DNAJC12: variants seen among roughly 807,000 people sequenced by gnomAD.
The protein encoded by DNAJC12 is DnaJ heat shock protein family (Hsp40) member C12, also known as dnaJ homolog subfamily C member 12.
DNAJC12 carries 25 observed loss-of-function variants against 28.5 expected under a neutral mutation model. The observed-to-expected ratio is 0.88, with a 90% CI of 0.64 to 1.22. The LOEUF is 1.22. Among genes scored for constraint, DNAJC12 ranks in the 50% most tolerant of loss-of-function variants. DNAJC12 has a pLI of 0.00. For synonymous variants in DNAJC12, 77 were observed against 80.6 expected (o/e 0.95, Z 0.24); for missense variants, 222 against 231.7 (o/e 0.96, Z 0.27).
chr10:67,818,253 G>A (rs920897213), intron 2 of DNAJC12, among the ~76,000 whole-genome samples: 27 of 152,240 alleles, frequency 1.8e-4, no homozygotes, highest in South Asian at 1.2e-3. Flanking sequence ...TCATCCAAGT[G>A]TGTAAAGATC....
At chr10:67,819,292 G>A (rs551697247) in intron 2 of DNAJC12, among the ~76,000 whole-genome samples, 9 of 151,576 alleles carry the variant, frequency 5.9e-5, no homozygotes, top group African/African-American at 9.7e-5. Context: ...AAGAGATAGC[G>A]CCACTGTACT....
At chr10:67,813,903 C>T (rs192041552) in intron 2 of DNAJC12, among the ~76,000 whole-genome samples, 22 of 151,792 alleles carry the variant, frequency 1.4e-4, no homozygotes, top group Middle Eastern at 6.8e-3. Context: ...TTTACTATTG[C>T]TAAAATGATA....
In DNAJC12 at chr10:67,824,014, G is replaced by A. The variant is rs192718105; in HGVS notation, c.79-622C>T. On this transcript the variant is annotated intron_variant, in intron 1 of 4. Coordinates refer to ENST00000225171, the MANE Select transcript of DNAJC12 (RefSeq NM_021800.3). ...GCACTTTGGGAGGCTGAGGTGGGCA[G>A]ATCACAAGGTTAGGAGTTCGAGGCC... 4.8e-3 allele frequency among the ~76,000 whole-genome samples: 733 copies of A among 152,168 alleles called. 9 individuals are homozygous for A. The highest frequency in any genetic ancestry group is 0.016 in the African/African-American group (684 of 41,510).
chr10:67,834,349 A>G (rs1842122625), intron 1 of DNAJC12, among the ~76,000 whole-genome samples: 1 of 152,216 alleles, frequency 6.6e-6, no homozygotes, highest in Non-Finnish European at 1.5e-5. Context: ...CAAGGATAGG[A>G]TAAGTGTACT....
Position 67,803,762 on chromosome 10 carries a change from G to C in DNAJC12, c.502+1821C>G, listed in dbSNP as rs569665337. Among the ~76,000 whole-genome samples the C allele has an allele frequency of 2.0e-4, 31 of 152,344 alleles. 1 individual carries two copies. In the South Asian group the frequency reaches 6.4e-3, roughly 32 times the overall value. On this transcript the variant is annotated intron_variant, in intron 4 of 4. Transcript: ENST00000225171. ...ATTCATCGTGTTTACATGTAGGGGA[G>C]TGATTGTACTCCTGTGTTTGCTTAA...
Position 67,821,071 on chromosome 10 carries a change from C to T in DNAJC12, c.157+2243G>A, listed in dbSNP as rs1025168265. On this transcript the variant is annotated intron_variant, in intron 2 of 4. Coordinates refer to ENST00000225171, the MANE Select transcript of DNAJC12 (RefSeq NM_021800.3). Reference sequence around the variant, plus strand: ...GTGCTGGAATTACAGGTGTGAGCCACTGCACCCAGCCAAGGAAAACATTTT... The same window carrying T: ...GTGCTGGAATTACAGGTGTGAGCCATTGCACCCAGCCAAGGAAAACATTTT... Among the ~76,000 whole-genome samples, 7 of 151,948 alleles carry T rather than the reference C, an allele frequency of 4.6e-5. No homozygotes were observed. In the South Asian group the frequency reaches 1.2e-3, roughly 27 times the overall value.
At chr10:67,823,870 T>G (rs1266477979) in intron 1 of DNAJC12, among the ~76,000 whole-genome samples, 1 of 152,178 alleles carries the variant, frequency 6.6e-6, no homozygotes, top group Non-Finnish European at 1.5e-5. Flanking sequence ...ACGCTCCTAT[T>G]GAAATAGTCG....
chr10:67,798,841 C>G (rs1053335149), intron 4 of DNAJC12, among the ~76,000 whole-genome samples: 1 of 150,788 alleles, frequency 6.6e-6, no homozygotes, highest in East Asian at 2.0e-4. Context: ...TCTCAGCTCA[C>G]CACAACCTCC....
intron 4 of DNAJC12, among the ~76,000 whole-genome samples, chr10:67,798,327 T>C (rs1418253710): frequency 6.6e-6 from 1 of 152,088 alleles, no homozygotes; most frequent in African/African-American, 2.4e-5. Flanking sequence ...GTTTATATAG[T>C]ATGATCTCAT....
At position 67,797,226 on chromosome 10, in the gene DNAJC12, A is replaced by G; in HGVS notation, c.503-16T>C. ...TCTGCAAAACCTTTAAAGGAAAGAA[A>G]GTAAATATTTAAAATCAGAAGTAGG... On this transcript the variant is annotated splice_polypyrimidine_tract_variant and intron_variant, in intron 4 of 4. Coordinates refer to ENST00000225171, the MANE Select transcript of DNAJC12 (RefSeq NM_021800.3). 3.1e-6 allele frequency: 5 copies of G among 1,607,776 alleles called. No individual in the cohort carries two copies. Among genetic ancestry groups the G allele is most frequent in the Non-Finnish European group, 4.3e-6 (5 of 1,175,916 alleles).
chr10:67,821,409 G>A (rs544654168), intron 2 of DNAJC12, among the ~76,000 whole-genome samples: 10 of 152,138 alleles, frequency 6.6e-5, no homozygotes, highest in East Asian at 1.9e-4. Flanking sequence ...CCAGCTACTC[G>A]GGAGGCTGAG....
rs1842060742 is a variant in DNAJC12, at chr10:67,828,655, T to TC, written c.79-5264_79-5263insG. 5.0e-5 allele frequency among the ~76,000 whole-genome samples: 3 copies of TC among 60,096 alleles called. No homozygotes were observed. In the South Asian group the frequency reaches 1.5e-3, roughly 30 times the overall value. 39.4% of individuals were successfully genotyped at this position (60,096 alleles called of 152,430 possible). A position where few individuals can be genotyped will look rare whatever the true frequency, so the allele number is the denominator to read the frequency against. On this transcript the variant is annotated intron_variant, in intron 1 of 4. Coordinates refer to ENST00000225171, the MANE Select transcript of DNAJC12 (RefSeq NM_021800.3). ...AATTTTAAAGTGTTAAATATTCTAT[T>TC]TTCTCTCTCTCTCTCTCTCTATATA...
At chr10:67,815,642 A>G (rs1841908705) in intron 2 of DNAJC12, among the ~76,000 whole-genome samples, 1 of 152,176 alleles carries the variant, frequency 6.6e-6, no homozygotes, top group Admixed American at 6.5e-5. Context: ...GTTGCTGACG[A>G]CAATGTAAAT....
chr10:67,833,978 T>C (rs571236881), intron 1 of DNAJC12: 1 of 457,484 alleles, frequency 2.2e-6, no homozygotes, highest in Non-Finnish European at 4.5e-6. Flanking sequence ...TAAGCCCTAC[T>C]GCCAAAAAAG....
chr10:67,831,447 A>C (rs1842092526), intron 1 of DNAJC12, among the ~76,000 whole-genome samples: 1 of 152,158 alleles, frequency 6.6e-6, no homozygotes, highest in Non-Finnish European at 1.5e-5. Context: ...TTTTTGTCTA[A>C]GCAAGGAAAT....
At chr10:67,834,156 A>T (rs1387474296) in intron 1 of DNAJC12, 1 of 390,374 alleles carries the variant, frequency 2.6e-6, no homozygotes, top group Admixed American at 3.8e-5. Flanking sequence ...TTATAATAAA[A>T]TGCCTCAGAG....
intron 2 of DNAJC12, among the ~76,000 whole-genome samples, chr10:67,821,847 A>G (rs1037395570): frequency 6.6e-6 from 1 of 152,168 alleles, no homozygotes; most frequent in Non-Finnish European, 1.5e-5. Flanking sequence ...GCAATTTCCC[A>G]GATATGGACA....
In DNAJC12 at chr10:67,811,525, G is replaced by A. The variant is rs207471125; in HGVS notation, c.296C>T (p.Thr99Met). The A allele has an allele frequency of 8.8e-5, 142 of 1,613,918 alleles. No individual in the cohort carries two copies. The highest frequency in any genetic ancestry group is 1.1e-4 in the Non-Finnish European group (131 of 1,179,992). ...CGTCGCACCCAGCGAGAAACCCACC[G>A]TCTTCACTGAGTCATTCAAAGCTTC... ...QWEALNDSVK[T>M]SMHWVVRGKK... is the part of the protein sequence containing the mutation. The change falls in exon 3 of 5, where the codon ACG (threonine) becomes ATG (methionine). Residue 99 changes from threonine (T) to methionine (M), a missense_variant and splice_region_variant. By Grantham distance (81) the Thr-to-Met change is moderately conservative. Transcript: ENST00000225171.
In DNAJC12 at chr10:67,823,429, G is replaced by T. The variant is rs368835308; in HGVS notation, c.79-37C>A. 7 of 1,577,766 alleles carry T rather than the reference G, an allele frequency of 4.4e-6. No homozygotes were observed. The African/African-American group carries it at 9.4e-5, about 21-fold the overall frequency. ...ATCAGTGTTTAAAATAAAGAGTCAT[G>T]CCAGGCGCAGTGACTCACGCCTATA... is the stretch of plus-strand genomic sequence containing the variant. On this transcript the variant is annotated intron_variant, in intron 1 of 4. Transcript: ENST00000225171.
Sources: allele counts gnomAD v4.1 joint callset (sites outside exome capture counted in the v4.1 genomes callset), GRCh38; gene constraint gnomAD v4.1.1; transcripts MANE v1.5; gene names NCBI Gene and HGNC (gene_info 2026-07-23, HGNC 2026-07-21).